Variants in KICS2 observed in about 807,000 individuals in gnomAD.
KICS2 encodes KICSTOR complex protein C12orf66.
In KICS2, 13 loss-of-function variants were observed where a neutral mutation model predicts 31.4. The ratio of observed to expected loss-of-function variants is 0.41; its 90% confidence interval spans 0.27 to 0.66. The LOEUF (loss-of-function observed/expected upper bound fraction) is 0.66. Among genes scored for constraint, KICS2 ranks in the 30% least tolerant of loss-of-function variants. The pLI, the probability that KICS2 is intolerant of heterozygous loss-of-function variation, is 0.28. For missense variants in KICS2, 455 were observed against 545.4 expected (o/e 0.83, Z 1.65); for synonymous variants, 209 against 214.8 (o/e 0.97, Z 0.24).
At chr12:64,201,713 TG>T (rs1446600212) in intron 2 of KICS2, among the ~76,000 whole-genome samples, 1 of 150,324 alleles carries the variant, frequency 6.7e-6, no homozygotes, top group Non-Finnish European at 1.5e-5. Flanking sequence ...CATGGTGACA[TG>T]TGCCTGTAAT....
chr12:64,187,398 G>A (rs2037346536), downstream of KICS2: 1 of 531,418 alleles, frequency 1.9e-6, no homozygotes, highest in Admixed American at 3.5e-5. Context: ...CCATTTTCTA[G>A]TGGTGATATT....
In KICS2 at chr12:64,194,091, A is replaced by G. The variant is rs1432698285; in HGVS notation, c.1089T>C (p.Asn363=). Residue 363 remains asparagine, a synonymous_variant, in exon 3 of 3, where the codon AAT becomes AAC. Transcript: ENST00000398055. Reference sequence around the variant, plus strand: ...TGCGGTCCGTCATGATCATGATGACATTGGGCCAGTGCATGACTGGCCTGT... The same window carrying G: ...TGCGGTCCGTCATGATCATGATGACGTTGGGCCAGTGCATGACTGGCCTGT... ...PSDRPVMHWP[N]VIMIMTDRTS... is the part of the protein sequence containing the mutation. The G allele has an allele frequency of 1.2e-6, 2 of 1,614,142 alleles. No individual in the cohort carries two copies. The highest frequency in any genetic ancestry group is 1.7e-6 in the Non-Finnish European group (2 of 1,180,024).
chr12:64,211,339 C>A (rs921447649), intron 2 of KICS2, among the ~76,000 whole-genome samples: 2 of 152,134 alleles, frequency 1.3e-5, no homozygotes, highest in Non-Finnish European at 2.9e-5. Context: ...TAACTTTAGG[C>A]CGGGCGCAGT....
intron 1 of KICS2, among the ~76,000 whole-genome samples, chr12:64,218,229 G>A (rs570555543): frequency 6.6e-6 from 1 of 152,284 alleles, no homozygotes; most frequent in East Asian, 1.9e-4. Flanking sequence ...AACATAAATA[G>A]ACCTCTGTGC....
downstream of KICS2, among the ~76,000 whole-genome samples, chr12:64,187,861 T>C (rs2037351129): frequency 1.3e-5 from 2 of 152,212 alleles, no homozygotes; most frequent in Admixed American, 1.3e-4. Context: ...TACATAATAA[T>C]AATAAATAAC....
chr12:64,193,755 T>C lies in KICS2; in HGVS notation c.*87A>G. The C allele has an allele frequency of 5.4e-6, 8 of 1,477,214 alleles. No individual in the cohort carries two copies. The highest frequency in any genetic ancestry group is 7.2e-6 in the Non-Finnish European group (8 of 1,115,624). The allele number at this position is 1,477,214 out of a possible 1,614,324, so 91.5% of individuals were successfully genotyped here. A position where few individuals can be genotyped will look rare whatever the true frequency, so the allele number is the denominator to read the frequency against. On this transcript the variant is annotated 3_prime_UTR_variant, in exon 3 of 3. Coordinates refer to ENST00000398055, the MANE Select transcript of KICS2 (RefSeq NM_152440.5). ...TAGTTCTGAAAGAGGCATGAATGGA[T>C]GTAAACTCTATTCACAGACCACCGT...
chr12:64,210,552 G>T (rs2037573716), intron 2 of KICS2, among the ~76,000 whole-genome samples: 1 of 152,196 alleles, frequency 6.6e-6, no homozygotes. Flanking sequence ...AAGGCAGGAG[G>T]ATGGCTTGGA....
intron 2 of KICS2, among the ~76,000 whole-genome samples, chr12:64,214,824 A>T (rs2037613786): frequency 6.6e-6 from 1 of 151,956 alleles, no homozygotes; most frequent in Non-Finnish European, 1.5e-5. Flanking sequence ...ACAGGCACTT[A>T]GTGGATGCCC....
Position 64,193,611 on chromosome 12 carries a change from T to G in KICS2, c.*231A>C. ...GGGGAAAATACTGAAACTACTTTGCTGTACCATGGAGACACATGGTAGCCC... is the reference window on the plus strand; with the variant it reads ...GGGGAAAATACTGAAACTACTTTGCGGTACCATGGAGACACATGGTAGCCC... On this transcript the variant is annotated 3_prime_UTR_variant, in exon 3 of 3. Coordinates refer to ENST00000398055, the MANE Select transcript of KICS2 (RefSeq NM_152440.5). The G allele has an allele frequency of 7.5e-7, 1 of 1,337,442 alleles. No homozygotes were observed. The allele number at this position is 1,337,442 out of a possible 1,614,324, so 82.8% of individuals were successfully genotyped here.
intron 2 of KICS2, among the ~76,000 whole-genome samples, chr12:64,211,999 G>A (rs1475910586): frequency 6.6e-6 from 1 of 152,152 alleles, no homozygotes; most frequent in Admixed American, 6.6e-5. Flanking sequence ...TAGGAGGAAA[G>A]TGTCATGATG....
Position 64,192,973 on chromosome 12 carries a change from G to A in KICS2, c.*869C>T. The A allele has an allele frequency of 1.0e-6, 1 of 985,380 alleles. No individual in the cohort carries two copies. Among genetic ancestry groups the A allele is most frequent in the Non-Finnish European group, 1.2e-6 (1 of 829,924 alleles). The allele number at this position is 985,380 out of a possible 1,614,324, so 61.0% of individuals were successfully genotyped here. On this transcript the variant is annotated 3_prime_UTR_variant, in exon 3 of 3. Coordinates refer to ENST00000398055, the MANE Select transcript of KICS2 (RefSeq NM_152440.5). ...TATGTTGCATGAGTATCTAAAAGTGGCTGAAAAACCGACTGCATGCTTTTA... is the reference window on the plus strand; with the variant it reads ...TATGTTGCATGAGTATCTAAAAGTGACTGAAAAACCGACTGCATGCTTTTA...
intron 2 of KICS2, 98 bp from the exon 3 acceptor site, chr12:64,194,756 TATTATGCTTCAGGACAGGGGAAG>T: frequency 7.0e-7 from 1 of 1,429,158 alleles, no homozygotes; most frequent in Non-Finnish European, 9.2e-7. Flanking sequence ...CCAAACATAA[TATTATGCTTCAGGACAGGGGAAG>T]AAAAGATGGA....
chr12:64,221,818 A>G, intron 1 of KICS2, 185 bp downstream of exon 1: 1 of 690,330 alleles, frequency 1.4e-6, no homozygotes, highest in Non-Finnish European at 2.4e-6. Flanking sequence ...TCAGCAGCGC[A>G]GGCCGGTGGG....
chr12:64,221,209 G>C (rs913418703), intron 1 of KICS2, among the ~76,000 whole-genome samples: 2 of 152,028 alleles, frequency 1.3e-5, no homozygotes, highest in Non-Finnish European at 2.9e-5. Flanking sequence ...TCACGCTTCT[G>C]AAAATTGAAG....
At position 64,215,876 on chromosome 12, in the gene KICS2, C is replaced by G. The variant is rs747813412; in HGVS notation, c.323G>C (p.Arg108Pro). The G allele has an allele frequency of 3.1e-6, 5 of 1,613,632 alleles. No individual in the cohort carries two copies. Among genetic ancestry groups the G allele is most frequent in the Admixed American group, 3.3e-5 (2 of 59,914 alleles). The change falls in exon 2 of 3, where the codon CGT becomes CCT. Residue 108 changes from arginine (R) to proline (P), a missense_variant. Arg to Pro is a moderately radical substitution (Grantham distance 103). Transcript: ENST00000398055. The stretch of plus-strand genomic sequence containing the variant: ...AGGAGCAGTCCCACCCAGGGCACCA[C>G]GGCCAGTCACCACCTTCTTCAGCTC... ...HNELKKVVTG[R>P]GALGGTAPHV...
At chr12:64,221,711 C>G (rs1260605244) in intron 1 of KICS2, 5 of 502,658 alleles carry the variant, frequency 9.9e-6, no homozygotes, top group South Asian at 5.4e-5. Context: ...TGGTTAACTT[C>G]TCATTTATGG....
At chr12:64,190,507 A>G (rs1187112984), downstream of KICS2, among the ~76,000 whole-genome samples, 1 of 152,186 alleles carries the variant, frequency 6.6e-6, no homozygotes, top group Non-Finnish European at 1.5e-5. Flanking sequence ...AGTGGCTCAC[A>G]CCTGTATTCC....
chr12:64,217,385 T>C (rs1214746240), intron 1 of KICS2, among the ~76,000 whole-genome samples: 1 of 152,110 alleles, frequency 6.6e-6, no homozygotes, highest in Admixed American at 6.6e-5. Context: ...GTTCAATCTT[T>C]TGGCTTCCCT....
chr12:64,209,771 T>G (rs2037568206), intron 2 of KICS2, among the ~76,000 whole-genome samples: 1 of 152,210 alleles, frequency 6.6e-6, no homozygotes, highest in Non-Finnish European at 1.5e-5. Context: ...GAGGTTTAGA[T>G]TCCATGCTAT....
Sources: allele counts gnomAD v4.1 joint callset (sites outside exome capture counted in the v4.1 genomes callset), GRCh38; gene constraint gnomAD v4.1.1; transcripts MANE v1.5; gene names NCBI Gene and HGNC (gene_info 2026-07-23, HGNC 2026-07-21).